The following NALF1 variants were observed in gnomAD, a reference collection of about 807,000 sequenced individuals.
NALF1 encodes the protein family with sequence similarity 155 member A.
A neutral mutation model predicts 48.4 loss-of-function variants in NALF1; 3 were observed. That is an observed-to-expected ratio of 0.06 (90% CI 0.03 to 0.16). NALF1 has a LOEUF of 0.16. NALF1 is among the 10% of genes least tolerant of loss of function. NALF1 has a pLI of 1.00. For synonymous variants in NALF1, 262 were observed against 245.7 expected (o/e 1.07, Z -0.62); for missense variants, 526 against 571.5 (o/e 0.92, Z 0.81).
chr13:107,734,666 T>C (rs998819797), intron 1 of NALF1, among the ~76,000 whole-genome samples: 2 of 152,134 alleles, frequency 1.3e-5, no homozygotes, highest in Non-Finnish European at 1.5e-5. Flanking sequence ...TTAAGACATT[T>C]ATGTCTTTGA....
intron 2 of NALF1, among the ~76,000 whole-genome samples, chr13:107,189,479 A>G (rs778161530): frequency 1.8e-4 from 27 of 152,164 alleles, no homozygotes; most frequent in Non-Finnish European, 2.8e-4. Context: ...GTTGGACTTT[A>G]TAGGATGGGG....
At chr13:107,747,275 A>C (rs1876806472) in intron 1 of NALF1, among the ~76,000 whole-genome samples, 1 of 152,080 alleles carries the variant, frequency 6.6e-6, no homozygotes, top group South Asian at 2.1e-4. Flanking sequence ...TTATCCCTAC[A>C]TGTTTGCAAG....
rs1328228718 is a variant in NALF1, at chr13:107,166,317, G to C, written c.*4180C>G. 1.3e-5 allele frequency: 2 copies of C among 152,240 alleles called. No homozygotes were observed. Among genetic ancestry groups the C allele is most frequent in the Non-Finnish European group, 2.9e-5 (2 of 68,114 alleles). 9.4% of individuals were successfully genotyped at this position (152,240 alleles called of 1,614,324 possible). ...GCCTGTAGTCCCAGCTACTCGAGAG[G>C]CTTGAGGCAGGAGAATCGCTTGAAC... On this transcript the variant is annotated 3_prime_UTR_variant, in exon 3 of 3. Transcript: ENST00000375915.
chr13:107,473,876 TG>T (rs1330677780), intron 1 of NALF1, among the ~76,000 whole-genome samples: 1 of 152,192 alleles, frequency 6.6e-6, no homozygotes, highest in Non-Finnish European at 1.5e-5. Flanking sequence ...GCTCCGGTGA[TG>T]ACAGCGGGGC....
intron 1 of NALF1, among the ~76,000 whole-genome samples, chr13:107,631,728 T>C (rs1177860781): frequency 6.6e-6 from 1 of 152,136 alleles, no homozygotes; most frequent in Admixed American, 6.6e-5. Flanking sequence ...TTCTTTATGA[T>C]AAGCCTCTAC....
intron 1 of NALF1, among the ~76,000 whole-genome samples, chr13:107,781,719 T>C (rs1877893943): frequency 6.6e-6 from 1 of 151,882 alleles, no homozygotes; most frequent in Non-Finnish European, 1.5e-5. Flanking sequence ...ACAATCTCAT[T>C]TTGAGTCAGA....
chr13:107,734,895 T>G (rs1462470814), intron 1 of NALF1, among the ~76,000 whole-genome samples: 1 of 152,156 alleles, frequency 6.6e-6, no homozygotes, highest in Non-Finnish European at 1.5e-5. Flanking sequence ...TCCACTGTAC[T>G]CCAGCCCCAC....
At chr13:107,412,048 G>T (rs771210988) in intron 1 of NALF1, among the ~76,000 whole-genome samples, 4 of 152,100 alleles carry the variant, frequency 2.6e-5, no homozygotes, top group African/African-American at 9.7e-5. Flanking sequence ...TTTATGAACC[G>T]CACAATCCTC....
At chr13:107,545,407 G>A (rs1409566221) in intron 1 of NALF1, among the ~76,000 whole-genome samples, 1 of 152,178 alleles carries the variant, frequency 6.6e-6, no homozygotes, top group Non-Finnish European at 1.5e-5. Context: ...TTCAGAAGCA[G>A]GAGAGAATAC....
chr13:107,378,259 C>A (rs2138971221), intron 1 of NALF1, among the ~76,000 whole-genome samples: 1 of 152,048 alleles, frequency 6.6e-6, no homozygotes, highest in Non-Finnish European at 1.5e-5. Flanking sequence ...AGTATATTTC[C>A]CTGAAGTTCA....
At chr13:107,464,001 T>C (rs1349060549) in intron 1 of NALF1, among the ~76,000 whole-genome samples, 2 of 152,180 alleles carry the variant, frequency 1.3e-5, no homozygotes. Flanking sequence ...CTATCCACAT[T>C]GGAACAGAAA....
chr13:107,773,513 G>T lies in NALF1; in HGVS notation c.915+92169C>A, dbSNP rs16971097. 7.2e-5 allele frequency among the ~76,000 whole-genome samples: 11 copies of T among 152,012 alleles called. 1 individual carries two copies. The highest frequency in any genetic ancestry group is 2.7e-4 in the African/African-American group (11 of 41,468). The stretch of plus-strand genomic sequence containing the variant: ...TTTCAAGGACTGATTTCTTATTCTT[G>T]TCCTAATTCTATTCCTGTATTTTGA... On this transcript the variant is annotated intron_variant, in intron 1 of 2. Coordinates refer to ENST00000375915, the MANE Select transcript of NALF1 (RefSeq NM_001080396.3).
intron 1 of NALF1, among the ~76,000 whole-genome samples, chr13:107,403,393 A>G (rs972526646): frequency 6.6e-6 from 1 of 151,534 alleles, no homozygotes; most frequent in Non-Finnish European, 1.5e-5. Context: ...TCAGTAGGTA[A>G]GAATCCCACT....
At chr13:107,283,661 C>T (rs9558992) in intron 1 of NALF1, among the ~76,000 whole-genome samples, 42,470 of 129,410 alleles carry the variant, frequency 0.33, 7,257 homozygotes, top group South Asian at 0.52. Flanking sequence ...TATTTATTTA[C>T]TATTTTTGTT....
intron 1 of NALF1, among the ~76,000 whole-genome samples, chr13:107,671,371 T>G (rs1424630224): frequency 6.6e-6 from 1 of 152,074 alleles, no homozygotes; most frequent in East Asian, 1.9e-4. Flanking sequence ...GAAAGATGGA[T>G]TATTCAAAGT....
At chr13:107,673,091 T>C (rs1285802778) in intron 1 of NALF1, among the ~76,000 whole-genome samples, 1 of 152,176 alleles carries the variant, frequency 6.6e-6, no homozygotes, top group Admixed American at 6.5e-5. Context: ...ACACCTTTTC[T>C]GTTTCCTCTC....
intron 1 of NALF1, among the ~76,000 whole-genome samples, chr13:107,598,973 T>C (rs1354786419): frequency 1.3e-5 from 2 of 152,226 alleles, no homozygotes; most frequent in East Asian, 1.9e-4. Context: ...AAGTACATAA[T>C]GCTCAATAAA....
intron 1 of NALF1, among the ~76,000 whole-genome samples, chr13:107,753,044 T>C (rs1196340260): frequency 1.3e-5 from 2 of 152,168 alleles, no homozygotes; most frequent in Non-Finnish European, 2.9e-5. Flanking sequence ...CACTGTGTCT[T>C]TGAAAACCAG....
chr13:107,237,138 C>T (rs900307924), intron 1 of NALF1, among the ~76,000 whole-genome samples: 3 of 149,530 alleles, frequency 2.0e-5, no homozygotes, highest in Non-Finnish European at 4.4e-5. Context: ...ATGATAAACA[C>T]AGACAAAATA....
Sources: allele counts gnomAD v4.1 joint callset (sites outside exome capture counted in the v4.1 genomes callset), GRCh38; gene constraint gnomAD v4.1.1; transcripts MANE v1.5; gene names NCBI Gene and HGNC (gene_info 2026-07-23, HGNC 2026-07-21).